Variants in CUL2 observed in about 807,000 individuals in gnomAD.
CUL2 encodes cullin 2, also known as cullin-2.
Under a neutral mutation model 110.2 loss-of-function variants are expected in CUL2, and 22 were observed. The ratio of observed to expected loss-of-function variants is 0.20; its 90% CI spans 0.14 to 0.28. CUL2 has a LOEUF of 0.28. Among genes scored for constraint, CUL2 ranks in the 10% least tolerant of loss-of-function variants. The probability of loss-of-function intolerance (pLI) is 1.00; values close to 1 mark genes in which losing one functional copy is unlikely to be tolerated. For synonymous variants in CUL2, 279 were observed against 293.2 expected, an observed-to-expected ratio of 0.95 and a Z score of 0.49; for missense variants, 631 against 905.5, an observed-to-expected ratio of 0.70 and a Z score of 3.89.
chr10:35,093,893 AT>A (rs572693830), upstream of CUL2, among the ~76,000 whole-genome samples: 22 of 151,928 alleles, frequency 1.4e-4, no homozygotes, highest in African/African-American at 5.3e-4. Flanking sequence ...CTCTGATCAA[AT>A]TTTTTTTATT....
chr10:35,107,742 C>T (rs182707750), intron 1 of CUL2, among the ~76,000 whole-genome samples: 77 of 151,668 alleles, frequency 5.1e-4, no homozygotes, highest in South Asian at 1.0e-3. Context: ...ATTAGCCAGG[C>T]GTGGTGGCAG....
At chr10:35,041,130 A>G (rs944372788) in intron 8 of CUL2, among the ~76,000 whole-genome samples, 3 of 152,244 alleles carry the variant, frequency 2.0e-5, no homozygotes, top group African/African-American at 7.2e-5. Flanking sequence ...TTTGATTAAC[A>G]ATAAATCCTT....
chr10:35,024,421 T>C (rs1367476580), intron 17 of CUL2, among the ~76,000 whole-genome samples: 1 of 152,204 alleles, frequency 6.6e-6, no homozygotes, highest in African/African-American at 2.4e-5. Flanking sequence ...TTGTACCATC[T>C]CTAAGAAATA....
intron 1 of CUL2, among the ~76,000 whole-genome samples, chr10:35,072,611 G>A (rs1376558375): frequency 6.6e-6 from 1 of 152,036 alleles, no homozygotes; most frequent in East Asian, 1.9e-4. Flanking sequence ...CTCGTGATCC[G>A]CCCACCTCGG....
At chr10:35,103,363 C>T (rs1276852305) in intron 1 of CUL2, among the ~76,000 whole-genome samples, 3 of 128,796 alleles carry the variant, frequency 2.3e-5, no homozygotes, top group Non-Finnish European at 3.1e-5. Flanking sequence ...TTCGCTCTGT[C>T]GCCCAGGCTG....
At chr10:35,015,523 AG>A (rs1444417625) in intron 18 of CUL2, among the ~76,000 whole-genome samples, 1 of 152,216 alleles carries the variant, frequency 6.6e-6, no homozygotes, top group Non-Finnish European at 1.5e-5. Flanking sequence ...CATTATTTAT[AG>A]GAATTTTTTC....
chr10:35,071,257 T>C lies in CUL2; in HGVS notation c.61A>G (p.Ile21Val), dbSNP rs753812741. The stretch of plus-strand genomic sequence containing the variant: ...TATTCCAACATGACCACGGCTTTTA[T>C]TGTCGTCAAAAGTTTGTTCCATGTT... ...DETWNKLLTT[I>V]KAVVMLEYVE... is the part of the protein sequence containing the mutation. Residue 21 changes from isoleucine to valine, a missense_variant, in exon 2 of 21, where the codon ATA becomes GTA. Physicochemically the swap from Ile to Val is conservative, Grantham distance 29 (BLOSUM62 3). Transcript: ENST00000374749. 1.2e-5 allele frequency: 20 copies of C among 1,614,166 alleles called. No homozygotes were observed. The highest frequency in any genetic ancestry group is 3.3e-5 in the Admixed American group (2 of 60,028).
At chr10:35,034,055 GAGA>G (rs1338475045) in intron 10 of CUL2, among the ~76,000 whole-genome samples, 1 of 152,202 alleles carries the variant, frequency 6.6e-6, no homozygotes, top group Non-Finnish European at 1.5e-5. Context: ...ACATCTCAGA[GAGA>G]AGAAATACCT....
At chr10:35,104,204 A>G (rs1368773562) in intron 1 of CUL2, among the ~76,000 whole-genome samples, 1 of 152,202 alleles carries the variant, frequency 6.6e-6, no homozygotes, top group African/African-American at 2.4e-5. Context: ...CCCAGCACTT[A>G]CGGATGCCGA....
chr10:35,104,102 A>G (rs909815610), intron 1 of CUL2, among the ~76,000 whole-genome samples: 1 of 152,190 alleles, frequency 6.6e-6, no homozygotes, highest in African/African-American at 2.4e-5. Context: ...TGAGATAAGC[A>G]TACACATGTG....
intron 2 of CUL2, among the ~76,000 whole-genome samples, chr10:35,096,785 T>C (rs1028343910): frequency 4.0e-5 from 6 of 150,560 alleles, no homozygotes; most frequent in Admixed American, 1.3e-4. Context: ...TTTTTAGTAG[T>C]AGAAAGATGT....
rs945451144 is a variant in CUL2, at chr10:35,099,322, C to T, written c.167+1522G>A. Among the ~76,000 whole-genome samples, 5 of 147,516 alleles carry T rather than the reference C, an allele frequency of 3.4e-5. 1 individual carries two copies. The highest frequency in any genetic ancestry group is 4.2e-4 in the South Asian group (2 of 4,708). ...AGGGGAATCACTTGAACCTGGGAGG[C>T]GGAGATTGCAGTGAGCCTTGATAGC... On this transcript the variant is annotated intron_variant, in intron 2 of 5. Transcript: ENST00000685421.
intron 1 of CUL2, among the ~76,000 whole-genome samples, chr10:35,077,953 G>A (rs1290241849): frequency 6.6e-6 from 1 of 152,150 alleles, no homozygotes; most frequent in East Asian, 1.9e-4. Flanking sequence ...TGAATAAAAG[G>A]GACATGGGGA....
Position 35,031,971 on chromosome 10 carries a change from A to G in CUL2, c.1171-352T>C, listed in dbSNP as rs186746829. 6.6e-6 allele frequency among the ~76,000 whole-genome samples: 1 copy of G among 152,342 alleles called. No individual in the cohort carries two copies. The highest frequency in any genetic ancestry group is 1.9e-4 in the East Asian group (1 of 5,188). ...AATTTTTAAAAAGAACAAGTCAAAT[A>G]TCAAATCATCACTTATTGACCAATA... is the stretch of plus-strand genomic sequence containing the variant. On this transcript the variant is annotated intron_variant, in intron 12 of 20. Coordinates refer to ENST00000374749, the MANE Select transcript of CUL2 (RefSeq NM_003591.4). The surrounding 1 kb of genome is among the most constrained non-coding windows in gnomAD (Gnocchi z 4.4).
chr10:35,040,686 A>C (rs2085761936), intron 8 of CUL2, among the ~76,000 whole-genome samples: 1 of 152,172 alleles, frequency 6.6e-6, no homozygotes, highest in African/African-American at 2.4e-5. Context: ...CCTTTTAGGC[A>C]CCAGGCTCTG....
At chr10:35,023,960 G>A (rs1405632690) in intron 17 of CUL2, among the ~76,000 whole-genome samples, 5 of 151,968 alleles carry the variant, frequency 3.3e-5, no homozygotes, top group South Asian at 2.1e-4. Flanking sequence ...TCAGCCTCTC[G>A]AGTAGCTGGG....
intron 8 of CUL2, among the ~76,000 whole-genome samples, chr10:35,039,588 GA>G (rs1202908345): frequency 2.0e-5 from 3 of 152,218 alleles, no homozygotes; most frequent in Non-Finnish European, 4.4e-5. Flanking sequence ...GTAGGGGCTG[GA>G]CATGGTGGCT....
intron 9 of CUL2, among the ~76,000 whole-genome samples, chr10:35,038,564 A>AT (rs1477235831): frequency 5.6e-5 from 8 of 143,254 alleles, no homozygotes; most frequent in South Asian, 4.5e-4. Flanking sequence ...GATATAGCTG[A>AT]TTTTTTATAT....
At chr10:35,045,757 G>A (rs2085923542) in intron 6 of CUL2, among the ~76,000 whole-genome samples, 1 of 151,970 alleles carries the variant, frequency 6.6e-6, no homozygotes, top group Non-Finnish European at 1.5e-5. Flanking sequence ...TAGAAAAAAA[G>A]TTTGCTTAAA....
Sources: allele counts gnomAD v4.1 joint callset (sites outside exome capture counted in the v4.1 genomes callset), GRCh38; gene constraint gnomAD v4.1.1; non-coding constraint Gnocchi (gnomAD v3.1); transcripts MANE v1.5; gene names NCBI Gene and HGNC (gene_info 2026-07-23, HGNC 2026-07-21).